SNTG1: variants seen among roughly 807,000 people sequenced by gnomAD.
The protein encoded by SNTG1 is syntrophin gamma 1.
Under a neutral mutation model 74.7 loss-of-function variants are expected in SNTG1, and 39 were observed. The ratio of observed to expected loss-of-function variants is 0.52; its 90% confidence interval spans 0.40 to 0.68. SNTG1 has a LOEUF of 0.68. Among genes scored for constraint, SNTG1 ranks in the 30% least tolerant of loss-of-function variants. The pLI is 0.00. For missense variants in SNTG1, 685 were observed against 609.5 expected (o/e 1.12, Z -1.30); for synonymous variants, 254 against 217.1 (o/e 1.17, Z -1.49).
chr8:50,587,820 GA>G (rs202124548), intron 12 of SNTG1, among the ~76,000 whole-genome samples: 10 of 145,428 alleles, frequency 6.9e-5, no homozygotes, highest in Admixed American at 4.2e-4. Flanking sequence ...AAAAGAAAAA[GA>G]AAAAAAAATT....
intron 2 of SNTG1, among the ~76,000 whole-genome samples, chr8:50,290,654 T>G (rs1460824475): frequency 6.6e-6 from 1 of 152,240 alleles, no homozygotes; most frequent in Non-Finnish European, 1.5e-5. Context: ...TACATTTGCT[T>G]ATTCCTATTC....
chr8:50,720,546 G>A (rs1418032450), intron 17 of SNTG1, among the ~76,000 whole-genome samples: 1 of 152,146 alleles, frequency 6.6e-6, no homozygotes, highest in Non-Finnish European at 1.5e-5. Flanking sequence ...GTACTTTCAT[G>A]CAGTATGGAG....
chr8:50,362,522 T>G (rs2091988618), intron 2 of SNTG1, among the ~76,000 whole-genome samples: 1 of 152,100 alleles, frequency 6.6e-6, no homozygotes, highest in South Asian at 2.1e-4. Context: ...TAGTCTTTTT[T>G]TTTTACTAAA....
At chr8:50,493,626 CTGTACAAATTAT>C in intron 8 of SNTG1, among the ~76,000 whole-genome samples, 1 of 151,882 alleles carries the variant, frequency 6.6e-6, no homozygotes, top group East Asian at 1.9e-4. Context: ...TATAAATCTA[CTGTACAAATTAT>C]ACAGAGTTTA....
intron 1 of SNTG1, among the ~76,000 whole-genome samples, chr8:49,934,995 C>T (rs528822313): frequency 1.5e-3 from 227 of 152,072 alleles, no homozygotes; most frequent in Non-Finnish European, 2.8e-3. Flanking sequence ...CATAATAAAT[C>T]AATGCCAATG....
intron 1 of SNTG1, among the ~76,000 whole-genome samples, chr8:50,099,769 G>T (rs1435700278): frequency 4.6e-5 from 7 of 152,058 alleles, no homozygotes; most frequent in East Asian, 3.8e-4. Flanking sequence ...AAATCTGTTG[G>T]TTATTTGTAG....
chr8:50,696,788 G>A (rs1434250161), intron 15 of SNTG1, among the ~76,000 whole-genome samples: 1 of 151,930 alleles, frequency 6.6e-6, no homozygotes, highest in African/African-American at 2.4e-5. Context: ...TCTCTCTTCT[G>A]TTCCATTGAT....
chr8:50,494,690 C>T (rs990454754), intron 8 of SNTG1, among the ~76,000 whole-genome samples: 4 of 152,160 alleles, frequency 2.6e-5, no homozygotes, highest in East Asian at 1.9e-4. Context: ...TCCATAGCCA[C>T]GTGAACTACC....
intron 10 of SNTG1, among the ~76,000 whole-genome samples, chr8:50,533,723 G>A (rs992657413): frequency 7.2e-5 from 11 of 152,080 alleles, no homozygotes; most frequent in Non-Finnish European, 1.2e-4. Flanking sequence ...TCAAATAACT[G>A]AAGTGGGACT....
intron 2 of SNTG1, among the ~76,000 whole-genome samples, chr8:50,208,450 G>A (rs1253507078): frequency 2.0e-5 from 3 of 151,990 alleles, no homozygotes; most frequent in African/African-American, 7.2e-5. Flanking sequence ...GAGCTTTTAT[G>A]TGTCTCTCCA....
At chr8:50,760,676 A>C (rs2095595975) in intron 18 of SNTG1, among the ~76,000 whole-genome samples, 1 of 152,016 alleles carries the variant, frequency 6.6e-6, no homozygotes, top group Admixed American at 6.6e-5. Flanking sequence ...ACACAAAAAA[A>C]ATGATAAAAA....
rs961847312 is a variant in SNTG1, at chr8:50,122,267, A to G, written c.-102-50294A>G. ...TGCCTTACCTCGTTTTGCAAAGCAA[A>G]TAGTAAAATGGGTAAATAACTACTC... On this transcript the variant is annotated intron_variant, in intron 1 of 18. Transcript: ENST00000642720. Among the ~76,000 whole-genome samples the G allele has an allele frequency of 7.7e-5, 11 of 142,260 alleles. 3 individuals carry two copies. The highest frequency in any genetic ancestry group is 2.2e-4 in the Admixed American group (3 of 13,782). The allele number at this position is 142,260 out of a possible 152,430, so 93.3% of individuals were successfully genotyped here. A position where few individuals can be genotyped will look rare whatever the true frequency, so the allele number is the denominator to read the frequency against.
intron 1 of SNTG1, among the ~76,000 whole-genome samples, chr8:49,941,202 A>T (rs1201009749): frequency 6.6e-6 from 1 of 152,020 alleles, no homozygotes; most frequent in African/African-American, 2.4e-5. Flanking sequence ...CTTTCTGTCC[A>T]AAAAATATGA....
chr8:50,311,573 A>G (rs1377190442), intron 2 of SNTG1, among the ~76,000 whole-genome samples: 1 of 152,220 alleles, frequency 6.6e-6, no homozygotes, highest in East Asian at 1.9e-4. Context: ...TTTGATATGC[A>G]TAATGTGACT....
At chr8:50,006,814 C>T (rs1815285858) in intron 1 of SNTG1, among the ~76,000 whole-genome samples, 2 of 152,138 alleles carry the variant, frequency 1.3e-5, no homozygotes, top group African/African-American at 4.8e-5. Context: ...ACATTTCCAG[C>T]CTCGTGCTTG....
intron 2 of SNTG1, among the ~76,000 whole-genome samples, chr8:50,244,692 T>G (rs2086314279): frequency 6.6e-6 from 1 of 152,164 alleles, no homozygotes; most frequent in South Asian, 2.1e-4. Flanking sequence ...GGCTCCAACC[T>G]GAATATCTAC....
chr8:50,209,269 T>C (rs2084394596), intron 2 of SNTG1, among the ~76,000 whole-genome samples: 1 of 152,114 alleles, frequency 6.6e-6, no homozygotes, highest in Non-Finnish European at 1.5e-5. Context: ...AATGCCTGCC[T>C]GCCTCTGTAG....
At chr8:50,529,387 A>T (rs1307372547) in intron 9 of SNTG1, among the ~76,000 whole-genome samples, 1 of 152,002 alleles carries the variant, frequency 6.6e-6, no homozygotes, top group Non-Finnish European at 1.5e-5. Flanking sequence ...ATGGACTATT[A>T]TGTAAGTAGT....
intron 16 of SNTG1, among the ~76,000 whole-genome samples, chr8:50,706,201 G>T (rs904222204): frequency 6.6e-6 from 1 of 151,706 alleles, no homozygotes; most frequent in African/African-American, 2.4e-5. Context: ...TTATCTTCAT[G>T]CACCTAAAAA....
Sources: allele counts gnomAD v4.1 joint callset (sites outside exome capture counted in the v4.1 genomes callset), GRCh38; gene constraint gnomAD v4.1.1; transcripts MANE v1.5; gene names NCBI Gene and HGNC (gene_info 2026-07-23, HGNC 2026-07-21).